KLHDC8A: variants seen among roughly 807,000 people sequenced by gnomAD.
KLHDC8A encodes kelch domain-containing protein 8A.
A neutral mutation model predicts 33.1 loss-of-function variants in KLHDC8A; 21 were observed. The ratio of observed to expected loss-of-function variants is 0.64; its 90% CI spans 0.45 to 0.91. KLHDC8A has a LOEUF of 0.91. Among genes scored for constraint, KLHDC8A ranks in the 40% least tolerant of loss-of-function variants. The pLI is 0.00. For missense variants in KLHDC8A, 435 were observed against 483.3 expected (o/e 0.90, Z 0.94); for synonymous variants, 173 against 193.5 (o/e 0.89, Z 0.88).
At chr1:205,342,605 T>C (rs1055670971) in intron 2 of KLHDC8A, among the ~76,000 whole-genome samples, 2 of 152,136 alleles carry the variant, frequency 1.3e-5, no homozygotes, top group Admixed American at 6.5e-5. Flanking sequence ...GGAGGGAAGG[T>C]TGCATCCCAC....
intron 1 of KLHDC8A, among the ~76,000 whole-genome samples, chr1:205,355,372 C>T (rs1663237237): frequency 6.6e-6 from 1 of 152,192 alleles, no homozygotes; most frequent in South Asian, 2.1e-4. Context: ...AGGGCTTGGC[C>T]TGAATGCCGC....
rs2102275433 is a variant in KLHDC8A, at chr1:205,337,024, C to G, written c.*375G>C. ...AAACTAGTTCAGAGCTGGGGAAAGA[C>G]AGCAACAGCAGTCTATCCTCTCGGT... On this transcript the variant is annotated 3_prime_UTR_variant, in exon 6 of 6. Coordinates refer to ENST00000367155, the MANE Select transcript of KLHDC8A (RefSeq NM_018203.3). 4.4e-6 allele frequency: 1 copy of G among 226,682 alleles called. No individual in the cohort carries two copies. The highest frequency in any genetic ancestry group is 1.3e-4 in the East Asian group (1 of 7,514). 14.0% of individuals were successfully genotyped at this position (226,682 alleles called of 1,614,324 possible).
intron 4 of KLHDC8A, 53 bp from the exon 5 acceptor site, chr1:205,338,649 C>T: frequency 6.9e-7 from 1 of 1,441,704 alleles, no homozygotes; most frequent in Non-Finnish European, 9.8e-7. Flanking sequence ...ATACAGACCA[C>T]TCCCACCAAA....
chr1:205,345,515 A>T (rs1307506650), intron 1 of KLHDC8A, among the ~76,000 whole-genome samples: 1 of 152,126 alleles, frequency 6.6e-6, no homozygotes, highest in Non-Finnish European at 1.5e-5. Flanking sequence ...AAGCAGGCAG[A>T]TCACTTGAGG....
chr1:205,337,906 C>T (rs1044497196), intron 5 of KLHDC8A, among the ~76,000 whole-genome samples: 5 of 152,184 alleles, frequency 3.3e-5, no homozygotes. Flanking sequence ...GTCTAGTTGA[C>T]ACGGTTCCTT....
chr1:205,339,049 G>C lies in KLHDC8A; in HGVS notation c.757+145C>G, dbSNP rs1157007151. On this transcript the variant is annotated intron_variant, in intron 4 of 5. Coordinates refer to ENST00000367155, the MANE Select transcript of KLHDC8A (RefSeq NM_018203.3). This position sits in a 1 kb window ranked among gnomAD's most constrained non-coding sequence, Gnocchi z 5.1. Reference sequence around the variant, plus strand: ...AATTTGATTCCAAGAGTAGCCCTGAGTGGAGAGGGGTGCTGAGACTTCTGA... The same window carrying C: ...AATTTGATTCCAAGAGTAGCCCTGACTGGAGAGGGGTGCTGAGACTTCTGA... 1 of 645,416 alleles carries C rather than the reference G, an allele frequency of 1.5e-6. No homozygotes were observed. Among genetic ancestry groups the C allele is most frequent in the Non-Finnish European group, 2.7e-6 (1 of 372,110 alleles). The allele number at this position is 645,416 out of a possible 1,614,324, so 40.0% of individuals were successfully genotyped here. A position where few individuals can be genotyped will look rare whatever the true frequency, so the allele number is the denominator to read the frequency against.
rs778497276 is a variant in KLHDC8A at position 205,337,622 on chromosome 1, A to G, written c.860-30T>C. 152 of 1,550,736 alleles carry G rather than the reference A, an allele frequency of 9.8e-5. No homozygotes were observed. In the Middle Eastern group the frequency reaches 1.5e-3, roughly 15 times the overall value. On this transcript the variant is annotated intron_variant, in intron 5 of 5. Transcript: ENST00000367155. Reference sequence around the variant, plus strand: ...AAGTGTCAAGGGAATCAGACCTTACAAAGGAGTCCAACCACCAATCCATGC... The same window carrying G: ...AAGTGTCAAGGGAATCAGACCTTACGAAGGAGTCCAACCACCAATCCATGC...
At chr1:205,338,366 T>A (rs1662691399) in intron 5 of KLHDC8A, 129 bp downstream of exon 5, 2 of 697,230 alleles carry the variant, frequency 2.9e-6, no homozygotes, top group Non-Finnish European at 5.0e-6. Context: ...GTGCTTCGAA[T>A]TTTTTGGAGT....
intron 1 of KLHDC8A, among the ~76,000 whole-genome samples, chr1:205,344,848 GA>G (rs1332947004): frequency 6.6e-6 from 1 of 151,852 alleles, no homozygotes; most frequent in Non-Finnish European, 1.5e-5. Context: ...CAGACATGTG[GA>G]CACAGCCAGA....
intron 4 of KLHDC8A, 58 bp from the exon 5 acceptor site, chr1:205,338,654 A>G: frequency 1.4e-6 from 2 of 1,406,038 alleles, no homozygotes; most frequent in Non-Finnish European, 2.0e-6. Flanking sequence ...GACCACTCCC[A>G]CCAAATGCAG....
chr1:205,343,308 C>T lies in KLHDC8A; in HGVS notation c.297G>A (p.Met99Ile). The change falls in exon 2 of 6, where the codon ATG becomes ATA. Residue 99 changes from methionine (M) to isoleucine (I), a missense_variant. By Grantham distance (10) the Met-to-Ile change is conservative. Transcript: ENST00000367155. ...TCCACTTGCCCTCATCGATGTTGTA[C>T]ATCTCCACGACCTTCAGGGGCAGCT... ...TNQLPLKVVEMYNIDEGKWKK... is the reference protein window; with the variant it reads ...TNQLPLKVVEIYNIDEGKWKK... The T allele has an allele frequency of 6.2e-7, 1 of 1,613,650 alleles. No homozygotes were observed. Among genetic ancestry groups the T allele is most frequent in the South Asian group, 1.1e-5 (1 of 91,068 alleles).
chr1:205,351,109 G>A (rs1663090417), intron 1 of KLHDC8A: 1 of 626,710 alleles, frequency 1.6e-6, no homozygotes, highest in African/African-American at 1.8e-5. Flanking sequence ...GGAGAGAAGG[G>A]TCCACTCCCC....
chr1:205,339,386 C>T lies in KLHDC8A; in HGVS notation c.565G>A (p.Val189Ile). Residue 189 changes from valine to isoleucine, a missense_variant, in exon 4 of 6, where the codon GTC (valine) becomes ATC (isoleucine). Transcript: ENST00000367155. The surrounding 1 kb of genome is among the most constrained non-coding windows in gnomAD (Gnocchi z 5.1). ...ATGTCAAAGACCTCGAAAGCGTTGA[C>T]CGCGTACTTGGACTGTCGTCCCCCT... ...VLGGRQSKYA[V>I]NAFEVFDIET... The T allele has an allele frequency of 6.2e-7, 1 of 1,613,894 alleles. No individual in the cohort carries two copies.
In KLHDC8A at chr1:205,343,378, G is replaced by T. The variant is rs374714376; in HGVS notation, c.227C>A (p.Ala76Asp). 9 of 1,613,660 alleles carry T rather than the reference G, an allele frequency of 5.6e-6. No individual in the cohort carries two copies. The highest frequency in any genetic ancestry group is 6.8e-6 in the Non-Finnish European group (8 of 1,179,902). ...AATCACCATGATCCGCTTCCCCAGGGCGGTGACGGCCACCCCCGCCCGGGC... is the reference window on the plus strand; with the variant it reads ...AATCACCATGATCCGCTTCCCCAGGTCGGTGACGGCCACCCCCGCCCGGGC... ...PTARAGVAVT[A>D]LGKRIMVIGG... The change falls in exon 2 of 6, where the codon GCC becomes GAC. Residue 76 changes from alanine to aspartate, a missense_variant. Coordinates refer to ENST00000367155, the MANE Select transcript of KLHDC8A (RefSeq NM_018203.3).
intron 1 of KLHDC8A, among the ~76,000 whole-genome samples, chr1:205,350,898 C>T (rs1663084890): frequency 6.6e-6 from 1 of 152,162 alleles, no homozygotes; most frequent in African/African-American, 2.4e-5. Context: ...GCTGGCTCTC[C>T]TTCTGGCAGG....
In KLHDC8A at chr1:205,339,667, C is replaced by T. The variant is rs775351217; in HGVS notation, c.518G>A (p.Arg173Gln). 1.3e-5 allele frequency: 21 copies of T among 1,613,758 alleles called. No homozygotes were observed. Among genetic ancestry groups the T allele is most frequent in the South Asian group, 2.2e-5 (2 of 91,010 alleles). ...TPRYAATSFL[R>Q]GSKIYVLGGR... Reference sequence around the variant, plus strand: ...ACCCAGCACGTAGATCTTGGAGCCTCGGAGGAAGGAGGTGGCAGCATATCT... The same window carrying T: ...ACCCAGCACGTAGATCTTGGAGCCTTGGAGGAAGGAGGTGGCAGCATATCT... The change falls in exon 3 of 6, where the codon CGA becomes CAA. Residue 173 changes from arginine to glutamine, a missense_variant. Physicochemically the swap from Arg to Gln is conservative, Grantham distance 43. Coordinates refer to ENST00000367155, the MANE Select transcript of KLHDC8A (RefSeq NM_018203.3). The surrounding 1 kb of genome is among the most constrained non-coding windows in gnomAD (Gnocchi z 5.1).
chr1:205,338,442 TC>T lies in KLHDC8A; in HGVS notation c.859+52del. 2.9e-6 allele frequency: 4 copies of T among 1,374,352 alleles called. No individual in the cohort carries two copies. In the South Asian group the frequency reaches 4.6e-5, roughly 16 times the overall value. 85.1% of individuals were successfully genotyped at this position (1,374,352 alleles called of 1,614,324 possible). A position where few individuals can be genotyped will look rare whatever the true frequency, so the allele number is the denominator to read the frequency against. Reference sequence around the variant, plus strand: ...TCCTGCATATGCAAAGTGCCAAGGATCCACTGAGCACCAGAACCACAATAAA... The same window carrying T: ...TCCTGCATATGCAAAGTGCCAAGGATCACTGAGCACCAGAACCACAATAAA... On this transcript the variant is annotated intron_variant, in intron 5 of 5. Transcript: ENST00000367155.
chr1:205,345,596 C>G (rs961829428), intron 1 of KLHDC8A, among the ~76,000 whole-genome samples: 2 of 150,982 alleles, frequency 1.3e-5, no homozygotes, highest in Non-Finnish European at 3.0e-5. Context: ...AAAAAATTAG[C>G]CAGGCATGGT....
chr1:205,346,480 C>A (rs1429835073), intron 1 of KLHDC8A, among the ~76,000 whole-genome samples: 1 of 152,198 alleles, frequency 6.6e-6, no homozygotes, highest in African/African-American at 2.4e-5. Flanking sequence ...CCAGCTGGGG[C>A]AGCTTAATAA....
Sources: gnomAD v4.1 joint callset for allele counts (sites outside exome capture counted in the v4.1 genomes callset) on GRCh38, gnomAD v4.1.1 for gene constraint, Gnocchi (gnomAD v3.1) non-coding constraint, MANE v1.5 for transcripts, NCBI Gene and HGNC (gene_info 2026-07-23, HGNC 2026-07-21) for gene names.